The following MTFR1 variants were observed in gnomAD, a reference collection of about 807,000 sequenced individuals.
MTFR1 encodes the protein mitochondrial fission regulator 1, also known as chondrocyte protein with a poly-proline region.
A neutral mutation model predicts 38.8 loss-of-function variants in MTFR1; 28 were observed. That is an observed-to-expected ratio of 0.72 (90% CI 0.53 to 0.99). MTFR1 has a LOEUF of 0.99. Ranked by LOEUF, MTFR1 falls within the 50% of genes least tolerant of loss-of-function variation. The pLI, the probability that MTFR1 is intolerant of heterozygous loss-of-function variation, is 0.00. For missense variants in MTFR1, 358 were observed against 395.5 expected (o/e 0.91, Z 0.81); for synonymous variants, 145 against 137.0 (o/e 1.06, Z -0.41).
chr8:65,644,547 C>G (rs1350193082), upstream of MTFR1, among the ~76,000 whole-genome samples: 1 of 152,240 alleles, frequency 6.6e-6, no homozygotes, highest in African/African-American at 2.4e-5. Flanking sequence ...AAGCACACGC[C>G]CCTCTCAGAG....
At chr8:65,755,683 T>C (rs1373389707) in intron 3 of MTFR1, among the ~76,000 whole-genome samples, 1 of 152,252 alleles carries the variant, frequency 6.6e-6, no homozygotes, top group Admixed American at 6.5e-5. Context: ...CTGGTTTATA[T>C]ATTTACTTGT....
chr8:65,678,917 C>T (rs1025714408), intron 2 of MTFR1, among the ~76,000 whole-genome samples: 27 of 151,994 alleles, frequency 1.8e-4, no homozygotes, highest in African/African-American at 6.3e-4. Flanking sequence ...GAATCATTGG[C>T]CACTTCTCTT....
chr8:65,748,295 TTAAGA>T (rs1435517389), intron 3 of MTFR1, among the ~76,000 whole-genome samples: 2 of 152,156 alleles, frequency 1.3e-5, no homozygotes, highest in Admixed American at 6.5e-5. Context: ...AAATATTTAC[TTAAGA>T]TAATTAAGAA....
intron 3 of MTFR1, among the ~76,000 whole-genome samples, chr8:65,734,157 C>T (rs970632297): frequency 2.0e-5 from 3 of 152,166 alleles, no homozygotes. Context: ...AGCCTTACCC[C>T]CAAAACTTGT....
chr8:65,674,157 G>A (rs994582829), intron 2 of MTFR1, among the ~76,000 whole-genome samples: 4 of 152,042 alleles, frequency 2.6e-5, no homozygotes, highest in African/African-American at 9.7e-5. Flanking sequence ...GGTCTTGAAC[G>A]CCTGACCTCA....
chr8:65,770,978 C>G (rs1809058453), exon 4 of MTFR1: 2 of 304,534 alleles, frequency 6.6e-6, no homozygotes, highest in Non-Finnish European at 1.3e-5. Flanking sequence ...ACCTGCTGGA[C>G]AAGAAGGCCT....
intron 1 of MTFR1, among the ~76,000 whole-genome samples, chr8:65,666,212 G>C (rs1207239249): frequency 2.0e-5 from 3 of 152,188 alleles, no homozygotes; most frequent in Admixed American, 2.0e-4. Flanking sequence ...TTTGAGACCA[G>C]CCTGGCCAAC....
intron 4 of MTFR1, among the ~76,000 whole-genome samples, chr8:65,699,073 T>C (rs983896976): frequency 1.3e-5 from 2 of 152,200 alleles, no homozygotes; most frequent in African/African-American, 4.8e-5. Flanking sequence ...AGCTCTCATT[T>C]ACAAGTGAGA....
intron 3 of MTFR1, chr8:65,683,034 A>T (rs1391520586): frequency 1.8e-6 from 1 of 550,326 alleles, no homozygotes; most frequent in Non-Finnish European, 2.3e-6. Flanking sequence ...TGAAGGTCTT[A>T]GTACAGTATT....
At chr8:65,653,500 AG>A (rs1809175876) in intron 1 of MTFR1, among the ~76,000 whole-genome samples, 1 of 152,176 alleles carries the variant, frequency 6.6e-6, no homozygotes, top group African/African-American at 2.4e-5. Flanking sequence ...CAACAGAGCA[AG>A]GCTCTGTCTC....
chr8:65,765,849 T>A (rs1220015650), intron 3 of MTFR1, among the ~76,000 whole-genome samples: 1 of 152,260 alleles, frequency 6.6e-6, no homozygotes, highest in African/African-American at 2.4e-5. Context: ...CTTTAATGTT[T>A]AAGACATTAG....
chr8:65,710,577 T>G (rs895030868), downstream of MTFR1: 1 of 152,480 alleles, frequency 6.6e-6, no homozygotes, highest in Non-Finnish European at 1.5e-5. Flanking sequence ...AGTGCTTCCA[T>G]TTTTTCTTTT....
intron 3 of MTFR1, among the ~76,000 whole-genome samples, chr8:65,751,979 G>C (rs1194601757): frequency 6.6e-6 from 1 of 152,124 alleles, no homozygotes; most frequent in African/African-American, 2.4e-5. Context: ...CTATCATACA[G>C]ATGAATCATA....
intron 2 of MTFR1, among the ~76,000 whole-genome samples, chr8:65,676,513 G>A (rs1031799811): frequency 1.3e-5 from 2 of 152,044 alleles, no homozygotes; most frequent in East Asian, 3.9e-4. Context: ...ACAGGTGCCC[G>A]CCATCACCCC....
intron 3 of MTFR1, among the ~76,000 whole-genome samples, chr8:65,734,145 C>T (rs1585841908): frequency 1.3e-5 from 2 of 152,174 alleles, no homozygotes; most frequent in South Asian, 4.1e-4. Flanking sequence ...ACTGTCTCTA[C>T]AAGCCTTACC....
intron 2 of MTFR1, among the ~76,000 whole-genome samples, chr8:65,716,910 C>G (rs1380115854): frequency 6.6e-6 from 1 of 152,132 alleles, no homozygotes; most frequent in Non-Finnish European, 1.5e-5. Context: ...CCCACACTGT[C>G]CAATATGGTA....
chr8:65,775,107 C>T (rs1877639), downstream of MTFR1, among the ~76,000 whole-genome samples: 6,601 of 152,134 alleles, frequency 0.043, 227 homozygotes, highest in African/African-American at 0.098. Context: ...TAGTCCATTT[C>T]GATTCTTATA....
intron 3 of MTFR1, among the ~76,000 whole-genome samples, chr8:65,690,818 G>A (rs183440304): frequency 2.2e-4 from 34 of 152,254 alleles, no homozygotes; most frequent in Admixed American, 3.3e-4. Context: ...CTTAGGATTT[G>A]TCTAACACTT....
chr8:65,750,528 G>A (rs1191053602), intron 3 of MTFR1, among the ~76,000 whole-genome samples: 1 of 150,926 alleles, frequency 6.6e-6, no homozygotes, highest in African/African-American at 2.4e-5. Flanking sequence ...GTGTGTGTGA[G>A]ACAGAGAGAG....
Sources: gnomAD v4.1 joint callset for allele counts (sites outside exome capture counted in the v4.1 genomes callset) on GRCh38, gnomAD v4.1.1 for gene constraint, MANE v1.5 for transcripts, NCBI Gene and HGNC (gene_info 2026-07-23, HGNC 2026-07-21) for gene names.